DNAH10: variants seen among roughly 807,000 people sequenced by gnomAD.
DNAH10 encodes the protein axonemal beta dynein heavy chain 10.
A neutral mutation model predicts 506.6 loss-of-function variants in DNAH10; 348 were observed. That is an observed-to-expected ratio of 0.69 (90% confidence interval 0.63 to 0.75). The LOEUF is 0.75. Ranked by LOEUF, DNAH10 falls within the 30% of genes least tolerant of loss-of-function variation. DNAH10 has a pLI of 0.00. For synonymous variants in DNAH10, 2,059 were observed against 2,198.6 expected, an observed-to-expected ratio of 0.94 and a Z score of 1.78; for missense variants, 5,179 against 5,787.1, an observed-to-expected ratio of 0.89 and a Z score of 3.41.
chr12:123,819,278 A>G (rs1024914218), intron 23 of DNAH10, 28 bp downstream of exon 23: 1 of 1,542,452 alleles, frequency 6.5e-7, no homozygotes, highest in Non-Finnish European at 8.9e-7. Flanking sequence ...GGTCTTACTG[A>G]GCGATCTGAG....
intron 54 of DNAH10, among the ~76,000 whole-genome samples, chr12:123,895,637 G>A (rs1362824663): frequency 6.6e-6 from 1 of 152,150 alleles, no homozygotes; most frequent in East Asian, 1.9e-4. Context: ...AAAACAGGGG[G>A]CGGGCTGGAT....
Position 123,853,478 on chromosome 12 carries a change from C to A in DNAH10, c.6438+126C>A. 7.9e-7 allele frequency: 1 copy of A among 1,271,240 alleles called. No homozygotes were observed. The highest frequency in any genetic ancestry group is 1.0e-6 in the Non-Finnish European group (1 of 959,954). 78.7% of individuals were successfully genotyped at this position (1,271,240 alleles called of 1,614,324 possible). On this transcript the variant is annotated intron_variant, in intron 36 of 78. Transcript: ENST00000673944. This position sits in a 1 kb window ranked among gnomAD's most constrained non-coding sequence, Gnocchi z 4.7. ...GGTTTAAGTCTTAGCTGCCTCTTCA[C>A]CCCGCGGTCTGGCCTTACTTTGGCC...
Position 123,929,564 on chromosome 12 carries a change from A to C in DNAH10, c.12516+80A>C, listed in dbSNP as rs1283154238. On this transcript the variant is annotated intron_variant, in intron 71 of 78. Transcript: ENST00000673944. ...CCGACTTTCCTCCGGGTTCAACCACAGCAGGGTTGCACCGTTCCCAGCAGC... is the reference window on the plus strand; with the variant it reads ...CCGACTTTCCTCCGGGTTCAACCACCGCAGGGTTGCACCGTTCCCAGCAGC... 4 of 1,571,400 alleles carry C rather than the reference A, an allele frequency of 2.5e-6. No homozygotes were observed. In the East Asian group the frequency reaches 9.3e-5, roughly 37 times the overall value.
Position 123,931,359 on chromosome 12 carries a change from C to T in DNAH10, c.12803C>T (p.Pro4268Leu), listed in dbSNP as rs898258336. 5 of 1,613,706 alleles carry T rather than the reference C, an allele frequency of 3.1e-6. No individual in the cohort carries two copies. The highest frequency in any genetic ancestry group is 3.4e-6 in the Non-Finnish European group (4 of 1,179,912). ...ATTGCAGAAGCCATCGAGGCCCTCC[C>T]GCTTGCCAACACGCCAGAAGTGTTT... Reference protein sequence around the residue: ...EKFVEAIEALPLANTPEVFGL... With the variant: ...EKFVEAIEALLLANTPEVFGL... The change falls in exon 74 of 79, where the codon CCG becomes CTG. Residue 4268 changes from proline (P) to leucine (L), a missense_variant. Transcript: ENST00000673944.
At position 123,933,465 on chromosome 12, in the gene DNAH10, G is replaced by C; in HGVS notation, c.13431G>C (p.Val4477=). ...ACCGCTCCACCTTGTTCACACAAGT[G>C]ACCAAGTTCCAGGATGCAGATGAAG... ...PLDRSTLFTQ[V]TKFQDADEVN... Residue 4477 remains valine, a synonymous_variant, in exon 77 of 79, where the codon GTG becomes GTC. Coordinates refer to ENST00000673944, the MANE Select transcript of DNAH10 (RefSeq NM_001372106.1). The C allele has an allele frequency of 6.2e-7, 1 of 1,612,138 alleles. No individual in the cohort carries two copies. Among genetic ancestry groups the C allele is most frequent in the Non-Finnish European group, 8.5e-7 (1 of 1,179,320 alleles).
chr12:123,877,617 A>G (rs1457398458), intron 47 of DNAH10, 119 bp from the exon 48 acceptor site: 6 of 1,368,534 alleles, frequency 4.4e-6, no homozygotes, highest in Non-Finnish European at 5.8e-6. Flanking sequence ...TGACTGGCCA[A>G]CTTCATTCCT....
chr12:123,800,705 A>G (rs1427621728), intron 15 of DNAH10, among the ~76,000 whole-genome samples: 1 of 151,978 alleles, frequency 6.6e-6, no homozygotes, highest in Admixed American at 6.6e-5. Context: ...AGAAGAAAAA[A>G]AAATTGAAGC....
chr12:123,892,388 A>C (rs531814082), intron 52 of DNAH10, among the ~76,000 whole-genome samples: 1 of 152,212 alleles, frequency 6.6e-6, no homozygotes, highest in African/African-American at 2.4e-5. Context: ...TCGCGCTCAC[A>C]AGAACAGCAC....
Position 123,893,388 on chromosome 12 carries a change from A to G in DNAH10, c.9151A>G (p.Met3051Val). Reference sequence around the variant, plus strand: ...AAATAACCTGCACATTGTCCTGGGCATGTCGCCAGTGGGGGACACCCTGAG... The same window carrying G: ...AAATAACCTGCACATTGTCCTGGGCGTGTCGCCAGTGGGGGACACCCTGAG... ...SANNLHIVLG[M>V]SPVGDTLRTW... The change falls in exon 53 of 79, where the codon ATG (methionine) becomes GTG (valine). Residue 3051 changes from methionine to valine, a missense_variant. Physicochemically the swap from Met to Val is conservative, Grantham distance 21. Coordinates refer to ENST00000673944, the MANE Select transcript of DNAH10 (RefSeq NM_001372106.1). 2 of 1,613,584 alleles carry G rather than the reference A, an allele frequency of 1.2e-6. No homozygotes were observed. The highest frequency in any genetic ancestry group is 1.1e-5 in the South Asian group (1 of 91,060).
chr12:123,776,514 G>A (rs1957445526), intron 5 of DNAH10, among the ~76,000 whole-genome samples: 1 of 151,932 alleles, frequency 6.6e-6, no homozygotes. Flanking sequence ...ATGGAGGATG[G>A]GGAGAAACAG....
intron 39 of DNAH10, among the ~76,000 whole-genome samples, chr12:123,864,330 A>G (rs1261927032): frequency 6.6e-6 from 1 of 151,678 alleles, no homozygotes; most frequent in Non-Finnish European, 1.5e-5. Flanking sequence ...TATTTTTAGT[A>G]GAGACGGGGT....
At chr12:123,837,247 G>A (rs1269673327) in intron 28 of DNAH10, among the ~76,000 whole-genome samples, 1 of 151,306 alleles carries the variant, frequency 6.6e-6, no homozygotes, top group Non-Finnish European at 1.5e-5. Context: ...GGGAGGCTGA[G>A]GTGGGAGGAT....
rs1190096958 is a variant in DNAH10 at position 123,853,847 on chromosome 12, GAC to G, written c.6438+500_6438+501del. 1.1e-4 allele frequency among the ~76,000 whole-genome samples: 15 copies of G among 135,760 alleles called. No homozygotes were observed. Among genetic ancestry groups the G allele is most frequent in the South Asian group, 7.5e-4 (3 of 3,994 alleles). 89.1% of individuals were successfully genotyped at this position (135,760 alleles called of 152,430 possible). ...GCACGCACACACACGCACACGCACG[GAC>G]ACACGCACGCGCACACACACACGGA... On this transcript the variant is annotated intron_variant, in intron 36 of 78. Coordinates refer to ENST00000673944, the MANE Select transcript of DNAH10 (RefSeq NM_001372106.1). The surrounding 1 kb of genome is among the most constrained non-coding windows in gnomAD (Gnocchi z 4.7).
rs762421704 is a variant in DNAH10 at position 123,833,366 on chromosome 12, A to G, written c.4779+19A>G. The G allele has an allele frequency of 1.9e-6, 3 of 1,590,434 alleles. No homozygotes were observed. The highest frequency in any genetic ancestry group is 2.3e-5 in the South Asian group (2 of 88,100). ...CATTGAGGTGAGAGAAAAGATGAAC[A>G]AAAGATGGATTAGAGCCAGTGCATA... On this transcript the variant is annotated intron_variant, in intron 27 of 78. Coordinates refer to ENST00000673944, the MANE Select transcript of DNAH10 (RefSeq NM_001372106.1).
At chr12:123,849,010 T>C in intron 34 of DNAH10, 128 bp downstream of exon 34, 1 of 1,203,950 alleles carries the variant, frequency 8.3e-7, no homozygotes, top group Non-Finnish European at 1.1e-6. Context: ...AGAAGATCTG[T>C]TGGTTTTTCC....
At chr12:123,870,082 G>T (rs1443800205) in intron 43 of DNAH10, among the ~76,000 whole-genome samples, 1 of 152,216 alleles carries the variant, frequency 6.6e-6, no homozygotes, top group African/African-American at 2.4e-5. Context: ...TGAAAGGGAA[G>T]TGTTAGTTGA....
At chr12:123,819,336 T>C in intron 23 of DNAH10, 86 bp downstream of exon 23, 1 of 947,282 alleles carries the variant, frequency 1.1e-6, no homozygotes, top group Non-Finnish European at 1.6e-6. Flanking sequence ...TGGCAAGTGA[T>C]GATGGTGCCG....
At chr12:123,856,114 CATTT>C (rs902175433) in intron 36 of DNAH10, among the ~76,000 whole-genome samples, 15 of 146,342 alleles carry the variant, frequency 1.0e-4, no homozygotes, top group African/African-American at 3.7e-4. Context: ...ATATACATAA[CATTT>C]TATATACATT....
rs1953958140 is a variant in DNAH10 at position 123,909,288 on chromosome 12, G to A, written c.9843G>A (p.Val3281=). 1 of 1,613,392 alleles carries A rather than the reference G, an allele frequency of 6.2e-7. No individual in the cohort carries two copies. Among genetic ancestry groups the A allele is most frequent in the Admixed American group, 1.7e-5 (1 of 59,968 alleles). ...IRSFAKPPKQ[V]QTVCECILIM... is the part of the protein sequence containing the mutation. ...CGTTTGCTAAGCCCCCGAAGCAGGT[G>A]CAGACGGTCTGCGAATGCATCCTCA... Residue 3281 remains valine, a synonymous_variant, in exon 58 of 79, where the codon GTG becomes GTA. Coordinates refer to ENST00000673944, the MANE Select transcript of DNAH10 (RefSeq NM_001372106.1). The surrounding 1 kb of genome is among the most constrained non-coding windows in gnomAD (Gnocchi z 5.4).
Sources: gnomAD v4.1 joint callset for allele counts (sites outside exome capture counted in the v4.1 genomes callset) on GRCh38, gnomAD v4.1.1 for gene constraint, Gnocchi (gnomAD v3.1) non-coding constraint, MANE v1.5 for transcripts, NCBI Gene and HGNC (gene_info 2026-07-23, HGNC 2026-07-21) for gene names.